Variants in LAMA2 observed in about 807,000 individuals in gnomAD.
LAMA2 encodes laminin subunit alpha-2.
Under a neutral mutation model 364.8 loss-of-function variants are expected in LAMA2, and 269 were observed. The observed-to-expected ratio is 0.74, with a 90% CI of 0.67 to 0.82. LAMA2 has a LOEUF of 0.82. LAMA2 is among the 40% of genes least tolerant of loss of function. The pLI is 0.00. For missense variants in LAMA2, 3,807 were observed against 3,873.2 expected (o/e 0.98, Z 0.45); for synonymous variants, 1,379 against 1,370.6 (o/e 1.01, Z -0.14).
intron 3 of LAMA2, among the ~76,000 whole-genome samples, chr6:129,087,526 G>A (rs1031830224): frequency 1.3e-5 from 2 of 152,128 alleles, no homozygotes; most frequent in Non-Finnish European, 2.9e-5. Flanking sequence ...GCAAGGAGCT[G>A]TATTAGGAAA....
At chr6:129,098,741 T>C (rs1378379567) in intron 4 of LAMA2, among the ~76,000 whole-genome samples, 1 of 152,224 alleles carries the variant, frequency 6.6e-6, no homozygotes, top group African/African-American at 2.4e-5. Flanking sequence ...ACCTTAAAGG[T>C]GGCCTTACAT....
chr6:129,142,628 G>A (rs979709710), intron 4 of LAMA2, among the ~76,000 whole-genome samples: 3 of 151,938 alleles, frequency 2.0e-5, no homozygotes, highest in African/African-American at 4.8e-5. Flanking sequence ...CCTAGAAGTG[G>A]AATTGCTAGC....
At chr6:129,430,928 C>A in intron 41 of LAMA2, among the ~76,000 whole-genome samples, 1 of 151,766 alleles carries the variant, frequency 6.6e-6, no homozygotes, top group East Asian at 1.9e-4. Context: ...GGAATGTGTA[C>A]GAGGCAAGGA....
rs542998514 is a variant in LAMA2, at chr6:129,315,622, T to C, written c.3702T>C (p.Tyr1234=). Residue 1234 remains tyrosine, a synonymous_variant, in exon 25 of 65, where the codon TAT becomes TAC. Transcript: ENST00000421865. ...MREDLHLEPF[Y]WKLPEQFEGK... is the part of the protein sequence containing the mutation. Reference sequence around the variant, plus strand: ...AAGATCTCCATTTGGAACCTTTTTATTGGAAACTTCCAGAACAATTTGAAG... The same window carrying C: ...AAGATCTCCATTTGGAACCTTTTTACTGGAAACTTCCAGAACAATTTGAAG... 7 of 1,614,176 alleles carry C rather than the reference T, an allele frequency of 4.3e-6. No individual in the cohort carries two copies. The South Asian group carries it at 7.7e-5, about 18-fold the overall frequency.
chr6:129,423,133 TA>T (rs1006500686), intron 40 of LAMA2, among the ~76,000 whole-genome samples: 6 of 152,132 alleles, frequency 3.9e-5, no homozygotes, highest in East Asian at 1.9e-4. Flanking sequence ...AAAATGCGTC[TA>T]TTTTTTTTTA....
At position 129,346,737 on chromosome 6, in the gene LAMA2, G is replaced by A. The variant is rs941616377; in HGVS notation, c.4437-2561G>A. 1.8e-4 allele frequency among the ~76,000 whole-genome samples: 28 copies of A among 152,248 alleles called. 1 individual carries two copies. The highest frequency in any genetic ancestry group is 6.3e-4 in the African/African-American group (26 of 41,564). On this transcript the variant is annotated intron_variant, in intron 30 of 64. Transcript: ENST00000421865. Reference sequence around the variant, plus strand: ...TGTGTTTCCTAGCCTTCTGGAGCTTGTATTTTTTATAAGAGAGTAAGATAA... The same window carrying A: ...TGTGTTTCCTAGCCTTCTGGAGCTTATATTTTTTATAAGAGAGTAAGATAA...
At chr6:129,297,661 T>C in intron 20 of LAMA2, 24 bp from the exon 21 acceptor site, 1 of 1,611,368 alleles carries the variant, frequency 6.2e-7, no homozygotes, top group Non-Finnish European at 8.5e-7. Context: ...TAAATTTAAT[T>C]TTTCTCTCCT....
chr6:129,339,369 A>T (rs934733365), intron 29 of LAMA2, among the ~76,000 whole-genome samples: 9 of 152,360 alleles, frequency 5.9e-5, no homozygotes, highest in East Asian at 3.9e-4. Context: ...CAGGAGTATT[A>T]CAAGGTTTAG....
At chr6:129,172,963 G>A (rs1780305439) in intron 9 of LAMA2, among the ~76,000 whole-genome samples, 1 of 152,214 alleles carries the variant, frequency 6.6e-6, no homozygotes, top group African/African-American at 2.4e-5. Flanking sequence ...CCCTTTCTGT[G>A]ACTCGGAAAG....
intron 28 of LAMA2, among the ~76,000 whole-genome samples, chr6:129,326,725 T>A (rs922703938): frequency 8.9e-5 from 13 of 145,342 alleles, no homozygotes; most frequent in African/African-American, 2.7e-4. Flanking sequence ...ATTTATATAT[T>A]ATATATATTT....
intron 32 of LAMA2, among the ~76,000 whole-genome samples, chr6:129,365,485 T>G (rs1457986970): frequency 6.6e-6 from 1 of 151,990 alleles, no homozygotes; most frequent in Non-Finnish European, 1.5e-5. Flanking sequence ...GCCTCAGCCT[T>G]CTGGGTAGCT....
intron 1 of LAMA2, among the ~76,000 whole-genome samples, chr6:128,926,260 TA>T (rs111568940): frequency 0.025 from 3,805 of 151,454 alleles, 51 homozygotes; most frequent in Middle Eastern, 0.031. Flanking sequence ...TGACTTCTTT[TA>T]AAAAAAAACT....
intron 36 of LAMA2, among the ~76,000 whole-genome samples, chr6:129,392,439 C>T (rs1779373055): frequency 6.6e-6 from 1 of 152,144 alleles, no homozygotes; most frequent in African/African-American, 2.4e-5. Context: ...ACAAGCCCTT[C>T]AGGGGATTAT....
chr6:129,005,603 TA>T (rs1784402424), intron 1 of LAMA2, among the ~76,000 whole-genome samples: 1 of 151,770 alleles, frequency 6.6e-6, no homozygotes, highest in Non-Finnish European at 1.5e-5. Context: ...ACATAAAAAT[TA>T]ATAAATTGAT....
chr6:128,905,720 G>T (rs1777411844), intron 1 of LAMA2: 1 of 151,284 alleles, frequency 6.6e-6, no homozygotes, highest in African/African-American at 2.4e-5. Flanking sequence ...TGCCATGCTG[G>T]TGCGCTGCAC....
At chr6:129,124,547 C>T (rs1223885148) in intron 4 of LAMA2, among the ~76,000 whole-genome samples, 6 of 152,182 alleles carry the variant, frequency 3.9e-5, no homozygotes, top group African/African-American at 1.4e-4. Flanking sequence ...ACCAAATATG[C>T]CAAAGCTTAT....
chr6:128,947,581 T>G (rs552410380), intron 1 of LAMA2, among the ~76,000 whole-genome samples: 267 of 152,304 alleles, frequency 1.8e-3, no homozygotes, highest in African/African-American at 6.1e-3. Flanking sequence ...TTATCTCAGA[T>G]GAGATTGTGT....
Position 129,130,511 on chromosome 6 carries a change from C to A in LAMA2, c.640-13390C>A, listed in dbSNP as rs376635090. 5.9e-5 allele frequency among the ~76,000 whole-genome samples: 9 copies of A among 152,286 alleles called. No individual in the cohort carries two copies. The South Asian group carries it at 1.0e-3, about 18-fold the overall frequency. ...AATGAGCCTGTGTCTTTATTTGCAC[C>A]TTATCAAACTGGGAGATACTGAAGA... On this transcript the variant is annotated intron_variant, in intron 4 of 64. Transcript: ENST00000421865.
intron 1 of LAMA2, among the ~76,000 whole-genome samples, chr6:128,960,883 A>T (rs1432587277): frequency 6.6e-6 from 1 of 151,520 alleles, no homozygotes; most frequent in Non-Finnish European, 1.5e-5. Context: ...GAAGTTTTTA[A>T]TATTATTTTT....
Sources: gnomAD v4.1 joint callset for allele counts (sites outside exome capture counted in the v4.1 genomes callset) on GRCh38, gnomAD v4.1.1 for gene constraint, MANE v1.5 for transcripts, NCBI Gene and HGNC (gene_info 2026-07-23, HGNC 2026-07-21) for gene names.